Variants in ZNF334 observed in about 807,000 individuals in gnomAD.
ZNF334 encodes the protein zinc finger protein 334.
Under a neutral mutation model 12.4 loss-of-function variants are expected in ZNF334, and 14 were observed. The ratio of observed to expected loss-of-function variants is 1.13; its 90% CI spans 0.74 to 1.76. The LOEUF (loss-of-function observed/expected upper bound fraction) is 1.76, where lower values mean the gene tolerates loss of function less well. Among genes scored for constraint, ZNF334 ranks in the 40% most tolerant of loss-of-function variants. The pLI, the probability that ZNF334 is intolerant of heterozygous loss-of-function variation, is 0.00. For synonymous variants in ZNF334, 273 were observed against 269.6 expected (o/e 1.01, Z -0.12); for missense variants, 797 against 804.5 (o/e 0.99, Z 0.11).
chr20:46,506,462 C>CA (rs2061435130), intron 2 of ZNF334: 4 of 406,588 alleles, frequency 9.8e-6, no homozygotes, highest in Non-Finnish European at 1.7e-5. Context: ...CCCATCTCTA[C>CA]AAAAAAATAA....
chr20:46,470,476 A>G, the ZNF334 span, among the ~76,000 whole-genome samples: 2 of 152,206 alleles, frequency 1.3e-5, no homozygotes, highest in Non-Finnish European at 2.9e-5. Context: ...CTTATGGCCA[A>G]TGGAGTCTAG....
rs76419021 is a variant in ZNF334 at position 46,502,547 on chromosome 20, C to T, written c.792G>A (p.Pro264=). The T allele has an allele frequency of 1.4e-5, 23 of 1,613,360 alleles. 2 individuals carry two copies. Among genetic ancestry groups the T allele is most frequent in the Admixed American group, 3.3e-5 (2 of 59,936 alleles). ...TTTTCCTACAATCACTACAAACATA[C>T]GGTTTCTCCCCTGTATGAATTCTCT... ...VHQRIHTGEK[P]YVCSDCRKTF... is the part of the protein sequence containing the mutation. The change falls in exon 5 of 5, where the codon CCG becomes CCA. Residue 264 remains proline, a synonymous_variant. Coordinates refer to ENST00000692313, the MANE Select transcript of ZNF334 (RefSeq NM_001353824.2).
the ZNF334 span, among the ~76,000 whole-genome samples, chr20:46,493,824 G>C: frequency 6.6e-6 from 1 of 152,072 alleles, no homozygotes; most frequent in South Asian, 2.1e-4. Context: ...CAGCTACTAG[G>C]GAGGCTGAGG....
At position 46,502,335 on chromosome 20, in the gene ZNF334, G is replaced by T; in HGVS notation, c.1004C>A (p.Ala335Asp). Residue 335 changes from alanine (A) to aspartate (D), a missense_variant, in exon 5 of 5, where the codon GCC (alanine) becomes GAC (aspartate). Ala to Asp is a moderately radical substitution (Grantham distance 126, BLOSUM62 -2). Coordinates refer to ENST00000692313, the MANE Select transcript of ZNF334 (RefSeq NM_001353824.2). ...GTGTGACCTGAAATGTTCAGCCAGG[G>T]CTGACTTCCGAAAAAAGGTCTTTCC... is the stretch of plus-strand genomic sequence containing the variant. ...ECGKTFFRKS[A>D]LAEHFRSHTG... The T allele has an allele frequency of 6.2e-7, 1 of 1,614,052 alleles. No homozygotes were observed. The highest frequency in any genetic ancestry group is 1.3e-5 in the African/African-American group (1 of 75,040).
chr20:46,479,337 A>T, the ZNF334 span, among the ~76,000 whole-genome samples: 14 of 152,180 alleles, frequency 9.2e-5, no homozygotes, highest in Non-Finnish European at 2.1e-4. Context: ...GTAAGCCAAA[A>T]CAAAAATCCC....
At chr20:46,497,633 A>T (rs1330430533), downstream of ZNF334, among the ~76,000 whole-genome samples, 1 of 152,266 alleles carries the variant, frequency 6.6e-6, no homozygotes, top group Admixed American at 6.5e-5. Context: ...GTATATTAGT[A>T]ACTGACAGAA....
chr20:46,511,281 G>A (rs1179728292), intron 2 of ZNF334, among the ~76,000 whole-genome samples: 3 of 151,864 alleles, frequency 2.0e-5, no homozygotes, highest in Non-Finnish European at 2.9e-5. Context: ...AATCATGTGA[G>A]TGATACCACA....
chr20:46,480,205 A>G, the ZNF334 span, among the ~76,000 whole-genome samples: 2 of 152,174 alleles, frequency 1.3e-5, no homozygotes, highest in Non-Finnish European at 2.9e-5. Context: ...GTTCACAATT[A>G]TTAATCACAC....
At chr20:46,486,674 T>C in the ZNF334 span, among the ~76,000 whole-genome samples, 2 of 152,088 alleles carry the variant, frequency 1.3e-5, no homozygotes, top group Non-Finnish European at 2.9e-5. Context: ...CATGCTCCCT[T>C]TAGAATGTAT....
chr20:46,482,157 AC>A, the ZNF334 span, among the ~76,000 whole-genome samples: 1 of 152,182 alleles, frequency 6.6e-6, no homozygotes, highest in African/African-American at 2.4e-5. Flanking sequence ...AGCACTGCTA[AC>A]CCATATTGTA....
chr20:46,463,506 C>G, the ZNF334 span, among the ~76,000 whole-genome samples: 1 of 152,302 alleles, frequency 6.6e-6, no homozygotes. Context: ...TCCCTTCACC[C>G]ATCACTCCTA....
chr20:46,469,564 G>T, the ZNF334 span, among the ~76,000 whole-genome samples: 2 of 151,900 alleles, frequency 1.3e-5, no homozygotes, highest in African/African-American at 4.8e-5. Flanking sequence ...AGTAGAGACG[G>T]GGTTTCACCA....
At chr20:46,462,518 C>T in the ZNF334 span, among the ~76,000 whole-genome samples, 4 of 152,154 alleles carry the variant, frequency 2.6e-5, no homozygotes, top group African/African-American at 9.7e-5. Context: ...ACAAAAAACT[C>T]AACAACAAAA....
At chr20:46,485,404 G>C in the ZNF334 span, 1 of 151,928 alleles carries the variant, frequency 6.6e-6, no homozygotes, top group African/African-American at 2.4e-5. Flanking sequence ...GAATGAATGG[G>C]TTAGCTCGGA....
At chr20:46,469,512 G>A in the ZNF334 span, among the ~76,000 whole-genome samples, 2 of 151,452 alleles carry the variant, frequency 1.3e-5, no homozygotes, top group East Asian at 1.9e-4. Context: ...GAGACTACAG[G>A]TGCCCACCAC....
the ZNF334 span, chr20:46,476,250 T>C: frequency 6.6e-6 from 1 of 152,134 alleles, no homozygotes; most frequent in Non-Finnish European, 1.5e-5. Flanking sequence ...GGAGAGAGAC[T>C]GGGGAGGCAG....
At chr20:46,478,093 G>A in the ZNF334 span, among the ~76,000 whole-genome samples, 5 of 152,140 alleles carry the variant, frequency 3.3e-5, no homozygotes, top group African/African-American at 1.2e-4. Flanking sequence ...CCTTTCCTCT[G>A]ATTTTGTCTC....
intron 2 of ZNF334, chr20:46,509,490 G>A (rs552702359): frequency 7.3e-6 from 5 of 684,498 alleles, no homozygotes; most frequent in African/African-American, 7.0e-5. Context: ...CTCAGCAGGA[G>A]CATGGGGTCA....
chr20:46,487,589 T>C, the ZNF334 span, among the ~76,000 whole-genome samples: 182 of 152,326 alleles, frequency 1.2e-3, no homozygotes, highest in African/African-American at 4.2e-3. Context: ...TTCAAGTATT[T>C]TGAAGCTCTG....
Sources: gnomAD v4.1 joint callset for allele counts (sites outside exome capture counted in the v4.1 genomes callset) on GRCh38, gnomAD v4.1.1 for gene constraint, MANE v1.5 for transcripts, NCBI Gene and HGNC (gene_info 2026-07-23, HGNC 2026-07-21) for gene names.